Variants in RBM8A observed in about 807,000 individuals in gnomAD.
RBM8A encodes RNA-binding protein 8A.
Under a neutral mutation model 25.1 loss-of-function variants are expected in RBM8A, and 8 were observed. The observed-to-expected ratio is 0.32, with a 90% CI of 0.19 to 0.58. The LOEUF (loss-of-function observed/expected upper bound fraction) is 0.58. Among genes scored for constraint, RBM8A ranks in the 20% least tolerant of loss-of-function variants. The pLI is 0.88. For synonymous variants in RBM8A, 66 were observed against 80.0 expected (o/e 0.82, Z 0.94); for missense variants, 114 against 236.8 (o/e 0.48, Z 3.40).
rs782574527 is a variant in RBM8A, at chr1:145,926,437, A to C, written c.342+45T>G. 3 of 1,606,648 alleles carry C rather than the reference A, an allele frequency of 1.9e-6. No homozygotes were observed. The African/African-American group carries it at 4.0e-5, about 22-fold the overall frequency. On this transcript the variant is annotated intron_variant, in intron 4 of 5. Coordinates refer to ENST00000583313, the MANE Select transcript of RBM8A (RefSeq NM_005105.5). ...AAACACAGAACTACGAATGCTACCT[A>C]AGGCTTATGAAAGAAAGGAGGCAAT...
At position 145,924,817 on chromosome 1, in the gene RBM8A, C is replaced by T. The variant is rs1172946434; in HGVS notation, c.*1065G>A. On this transcript the variant is annotated 3_prime_UTR_variant, in exon 6 of 6. Transcript: ENST00000583313. ...CAGTATATTTTCTAAATTCCTAGCCCCTGCTGGTGAATTTGCCCTCCCCCG... is the reference window on the plus strand; with the variant it reads ...CAGTATATTTTCTAAATTCCTAGCCTCTGCTGGTGAATTTGCCCTCCCCCG... 1 of 345,844 alleles carries T rather than the reference C, an allele frequency of 2.9e-6. No homozygotes were observed. The highest frequency in any genetic ancestry group is 5.8e-6 in the Non-Finnish European group (1 of 173,122). 21.4% of individuals were successfully genotyped at this position (345,844 alleles called of 1,614,324 possible).
In RBM8A at chr1:145,927,080, G is replaced by A. The variant is rs782317879; in HGVS notation, c.68-3C>T. 50 of 1,613,284 alleles carry A rather than the reference G, an allele frequency of 3.1e-5. No homozygotes were observed. In the South Asian group the frequency reaches 5.4e-4, roughly 17 times the overall value. On this transcript the variant is annotated splice_polypyrimidine_tract_variant and splice_region_variant and intron_variant, in intron 1 of 5. Transcript: ENST00000583313. ...TTCTTTCAGTTTGTGAATGCTCTCT[G>A]GAACCCCAGAAGATAAAAGAATAAG...
intron 2 of RBM8A, 35 bp downstream of exon 2, chr1:145,926,983 A>G: frequency 1.2e-6 from 2 of 1,613,974 alleles, no homozygotes; most frequent in Non-Finnish European, 1.7e-6. Context: ...CTCCTGCCCT[A>G]CTAGGCCACT....
At position 145,924,363 on chromosome 1, in the gene RBM8A, A is replaced by G; in HGVS notation, c.*1519T>C. On this transcript the variant is annotated 3_prime_UTR_variant, in exon 6 of 6. Transcript: ENST00000583313. The stretch of plus-strand genomic sequence containing the variant: ...AGGCCCCAGACAAGGAAGGGGAGCC[A>G]TGGTGAGACTCCAATTCCCAGGCCT... 1 of 488,498 alleles carries G rather than the reference A, an allele frequency of 2.0e-6. No homozygotes were observed. The highest frequency in any genetic ancestry group is 4.2e-6 in the Non-Finnish European group (1 of 239,780). The allele number at this position is 488,498 out of a possible 1,614,324, so 30.3% of individuals were successfully genotyped here. A position where few individuals can be genotyped will look rare whatever the true frequency, so the allele number is the denominator to read the frequency against.
At chr1:145,926,309 C>T (rs782579627) in intron 4 of RBM8A, 132 bp from the exon 5 acceptor site, 30 of 1,426,508 alleles carry the variant, frequency 2.1e-5, no homozygotes, top group Non-Finnish European at 2.8e-5. Flanking sequence ...TATATCTCTA[C>T]TGTATATATA....
chr1:145,926,952 T>G (rs7418165), intron 2 of RBM8A, 66 bp from the exon 3 acceptor site: 27 of 1,613,778 alleles, frequency 1.7e-5, no homozygotes, highest in Non-Finnish European at 2.2e-5. Context: ...ATGAGGTGGG[T>G]GGGGACTCCA....
At position 145,922,591 on chromosome 1, in the gene RBM8A, A is replaced by T. The variant is rs1553755104; in HGVS notation, c.*3291T>A. On this transcript the variant is annotated 3_prime_UTR_variant, in exon 6 of 6. Coordinates refer to ENST00000583313, the MANE Select transcript of RBM8A (RefSeq NM_005105.5). ...GTTTCAATGGCAAACTGGTTGTGAC[A>T]TGATACATGTGCGAAAGGTGATTTT... is the stretch of plus-strand genomic sequence containing the variant. 6.6e-6 allele frequency: 1 copy of T among 152,236 alleles called. No homozygotes were observed. The highest frequency in any genetic ancestry group is 1.5e-5 in the Non-Finnish European group (1 of 68,044). 9.4% of individuals were successfully genotyped at this position (152,236 alleles called of 1,614,324 possible). A position where few individuals can be genotyped will look rare whatever the true frequency, so the allele number is the denominator to read the frequency against.
chr1:145,922,151 G>A lies in RBM8A; in HGVS notation c.*3731C>T, dbSNP rs587624478. ...AGGCACGAGAATTGCTTGAACCTGG[G>A]AAGTGGAGGCTGCAGTGAGCCAAGA... On this transcript the variant is annotated 3_prime_UTR_variant, in exon 6 of 6. Coordinates refer to ENST00000583313, the MANE Select transcript of RBM8A (RefSeq NM_005105.5). The A allele has an allele frequency of 6.8e-6, 1 of 146,686 alleles. No homozygotes were observed. Among genetic ancestry groups the A allele is most frequent in the East Asian group, 2.2e-4 (1 of 4,556 alleles). The allele number at this position is 146,686 out of a possible 1,614,324, so 9.1% of individuals were successfully genotyped here.
rs376065276 is a variant in RBM8A at position 145,924,330 on chromosome 1, G to C, written c.*1552C>G. On this transcript the variant is annotated 3_prime_UTR_variant, in exon 6 of 6. Transcript: ENST00000583313. ...ATCTGCTATAGCCGCATTGTCCTCA[G>C]TGTGTCCAGGCCCCAGACAAGGAAG... 2.0e-6 allele frequency: 1 copy of C among 504,674 alleles called. No individual in the cohort carries two copies. Among genetic ancestry groups the C allele is most frequent in the South Asian group, 1.5e-5 (1 of 64,808 alleles). The allele number at this position is 504,674 out of a possible 1,614,324, so 31.3% of individuals were successfully genotyped here. A position where few individuals can be genotyped will look rare whatever the true frequency, so the allele number is the denominator to read the frequency against.
rs1648114787 is a variant in RBM8A, at chr1:145,925,746, A to C, written c.*136T>G. Reference sequence around the variant, plus strand: ...TGTAGAAAACAAAAATGGAACATTTATTCGCAACTCAAATACTACGCATAT... The same window carrying C: ...TGTAGAAAACAAAAATGGAACATTTCTTCGCAACTCAAATACTACGCATAT... On this transcript the variant is annotated 3_prime_UTR_variant, in exon 6 of 6. Coordinates refer to ENST00000583313, the MANE Select transcript of RBM8A (RefSeq NM_005105.5). The C allele has an allele frequency of 1.0e-6, 1 of 997,658 alleles. No homozygotes were observed. The highest frequency in any genetic ancestry group is 1.5e-6 in the Non-Finnish European group (1 of 670,182). The allele number at this position is 997,658 out of a possible 1,614,324, so 61.8% of individuals were successfully genotyped here.
chr1:145,927,307 A>G, intron 1 of RBM8A, 53 bp downstream of exon 1: 1 of 1,576,624 alleles, frequency 6.3e-7, no homozygotes, highest in Non-Finnish European at 8.6e-7. Context: ...TTCCTATTAT[A>G]GCCTTCTCTC....
chr1:145,926,765 A>G (rs1648182616), intron 3 of RBM8A, 44 bp downstream of exon 3: 1 of 1,613,940 alleles, frequency 6.2e-7, no homozygotes. Context: ...GTTTCTAACT[A>G]CTACCACAGA....
rs782278269 is a variant in RBM8A, at chr1:145,926,591, G to A, written c.233C>T (p.Thr78Ile). ...TTCGGTGGCTTCCTCATGGACTCCA[G>A]TTACAAAGAGAATCCAGCCTTCAAC... The part of the protein sequence containing the change: ...RSVEGWILFV[T>I]GVHEEATEED... Residue 78 changes from threonine (T) to isoleucine (I), a missense_variant, in exon 4 of 6, where the codon ACT becomes ATT. Coordinates refer to ENST00000583313, the MANE Select transcript of RBM8A (RefSeq NM_005105.5). The A allele has an allele frequency of 1.9e-6, 3 of 1,614,106 alleles. No individual in the cohort carries two copies. Among genetic ancestry groups the A allele is most frequent in the Non-Finnish European group, 2.5e-6 (3 of 1,180,010 alleles).
rs1435739888 is a variant in RBM8A at position 145,925,729 on chromosome 1, A to G, written c.*153T>C. On this transcript the variant is annotated 3_prime_UTR_variant, in exon 6 of 6. Transcript: ENST00000583313. Reference sequence around the variant, plus strand: ...AGGAAAGTAACATTAAATGTAGAAAACAAAAATGGAACATTTATTCGCAAC... The same window carrying G: ...AGGAAAGTAACATTAAATGTAGAAAGCAAAAATGGAACATTTATTCGCAAC... 3.6e-6 allele frequency: 3 copies of G among 840,006 alleles called. No homozygotes were observed. Among genetic ancestry groups the G allele is most frequent in the Non-Finnish European group, 5.5e-6 (3 of 541,022 alleles). 52.0% of individuals were successfully genotyped at this position (840,006 alleles called of 1,614,324 possible).
In RBM8A at chr1:145,925,556, T is replaced by C. The variant is rs1648097230; in HGVS notation, c.*326A>G. On this transcript the variant is annotated 3_prime_UTR_variant, in exon 6 of 6. Coordinates refer to ENST00000583313, the MANE Select transcript of RBM8A (RefSeq NM_005105.5). Reference sequence around the variant, plus strand: ...AAGAGTTTGAAGCTGCAGTGAGCTATGATCAGCTGCAATCCACCCTGGGTA... The same window carrying C: ...AAGAGTTTGAAGCTGCAGTGAGCTACGATCAGCTGCAATCCACCCTGGGTA... The C allele has an allele frequency of 2.9e-6, 1 of 348,536 alleles. No homozygotes were observed. Among genetic ancestry groups the C allele is most frequent in the Admixed American group, 4.3e-5 (1 of 23,280 alleles). 21.6% of individuals were successfully genotyped at this position (348,536 alleles called of 1,614,324 possible). A position where few individuals can be genotyped will look rare whatever the true frequency, so the allele number is the denominator to read the frequency against.
rs782335948 is a variant in RBM8A, at chr1:145,926,029, T to C, written c.479+12A>G. On this transcript the variant is annotated intron_variant, in intron 5 of 5. Transcript: ENST00000583313. ...CCCTTCACCCAGACAGTATTTGCCC[T>C]CTTCATTTTACCTCCTCTTGCCTTT... 10 of 1,614,114 alleles carry C rather than the reference T, an allele frequency of 6.2e-6. No individual in the cohort carries two copies. In the Admixed American group the frequency reaches 1.7e-4, roughly 27 times the overall value.
Position 145,927,379 on chromosome 1 carries a change from G to A in RBM8A, c.48C>T (p.Ala16=), listed in dbSNP as rs587610748. The change falls in exon 1 of 6, where the codon GCC becomes GCT. Residue 16 remains alanine (A), a synonymous_variant. Transcript: ENST00000583313. ...DLHEAGGEDF[A]MDEDGDESIH... is the part of the protein sequence containing the mutation. Reference sequence around the variant, plus strand: ...CCTCACCGTCCCCATCCTCATCCATGGCGAAATCTTCGCCCCCAGCCTCGT... The same window carrying A: ...CCTCACCGTCCCCATCCTCATCCATAGCGAAATCTTCGCCCCCAGCCTCGT... The A allele has an allele frequency of 1.5e-5, 24 of 1,612,162 alleles. No homozygotes were observed. In the South Asian group the frequency reaches 2.3e-4, roughly 16 times the overall value.
At position 145,924,209 on chromosome 1, in the gene RBM8A, G is replaced by A; in HGVS notation, c.*1673C>T. Reference sequence around the variant, plus strand: ...TGGCCCAGTCCCTTTCACTCAGTGTGTCACCAAAGGCAGCTTCAAGGCTCA... The same window carrying A: ...TGGCCCAGTCCCTTTCACTCAGTGTATCACCAAAGGCAGCTTCAAGGCTCA... On this transcript the variant is annotated 3_prime_UTR_variant, in exon 6 of 6. Transcript: ENST00000583313. 1 of 677,594 alleles carries A rather than the reference G, an allele frequency of 1.5e-6. No homozygotes were observed. Among genetic ancestry groups the A allele is most frequent in the South Asian group, 1.5e-5 (1 of 66,324 alleles). The allele number at this position is 677,594 out of a possible 1,614,324, so 42.0% of individuals were successfully genotyped here.
rs1553755463 is a variant in RBM8A, at chr1:145,924,387, C to T, written c.*1495G>A. On this transcript the variant is annotated 3_prime_UTR_variant, in exon 6 of 6. Transcript: ENST00000583313. ...CATGGTGAGACTCCAATTCCCAGGC[C>T]TTAATCCTTAACCCTAGACCTGTTG... 1 of 479,340 alleles carries T rather than the reference C, an allele frequency of 2.1e-6. No homozygotes were observed. The highest frequency in any genetic ancestry group is 4.3e-6 in the Non-Finnish European group (1 of 233,914). The allele number at this position is 479,340 out of a possible 1,614,324, so 29.7% of individuals were successfully genotyped here.
Sources: allele counts gnomAD v4.1 joint callset, GRCh38; gene constraint gnomAD v4.1.1; transcripts MANE v1.5; gene names NCBI Gene and HGNC (gene_info 2026-07-23, HGNC 2026-07-21).